CACNA1C: variants seen among roughly 807,000 people sequenced by gnomAD.
CACNA1C encodes the protein calcium voltage-gated channel subunit alpha1 C.
Under a neutral mutation model 229.0 loss-of-function variants are expected in CACNA1C, and 30 were observed. The observed-to-expected ratio is 0.13, with a 90% CI of 0.10 to 0.18. The LOEUF (loss-of-function observed/expected upper bound fraction) is 0.18, where lower values mean the gene tolerates loss of function less well. CACNA1C is among the 10% of genes least tolerant of loss of function. The pLI, the probability that CACNA1C is intolerant of heterozygous loss-of-function variation, is 1.00. For missense variants in CACNA1C, 1,658 were observed against 2,845.0 expected (o/e 0.58, Z 9.49); for synonymous variants, 1,114 against 1,132.5 (o/e 0.98, Z 0.33).
At chr12:2,552,515 TGA>T (rs1273845017) in intron 10 of CACNA1C, among the ~76,000 whole-genome samples, 1 of 152,070 alleles carries the variant, frequency 6.6e-6, no homozygotes. Flanking sequence ...CAGAAGAGTG[TGA>T]GAAGTCACTG....
intron 33 of CACNA1C, 22 bp from the exon 34 acceptor site, chr12:2,655,125 A>T: frequency 6.9e-7 from 1 of 1,439,528 alleles, no homozygotes; most frequent in Non-Finnish European, 9.8e-7. Flanking sequence ...ATCACTGAAC[A>T]CCTCTTCCTT....
At chr12:2,099,092 G>A (rs1237973727) in intron 1 of CACNA1C, among the ~76,000 whole-genome samples, 1 of 152,250 alleles carries the variant, frequency 6.6e-6, no homozygotes, top group East Asian at 1.9e-4. Flanking sequence ...CTGGACCGGG[G>A]CTTAGTCTCG....
chr12:2,609,303 G>A (rs569266610), intron 27 of CACNA1C, among the ~76,000 whole-genome samples: 1 of 152,192 alleles, frequency 6.6e-6, no homozygotes, highest in East Asian at 1.9e-4. Flanking sequence ...TAGTGCCTCA[G>A]GTCTGTTCCC....
intron 3 of CACNA1C, among the ~76,000 whole-genome samples, chr12:2,328,311 G>C (rs1016126128): frequency 6.6e-6 from 1 of 152,200 alleles, no homozygotes; most frequent in African/African-American, 2.4e-5. Context: ...TCTGCCCAGT[G>C]AGGCTTTGTG....
At chr12:2,661,304 CACACACACACAA>C (rs1465923365) in intron 34 of CACNA1C, among the ~76,000 whole-genome samples, 1 of 150,834 alleles carries the variant, frequency 6.6e-6, no homozygotes, top group Non-Finnish European at 1.5e-5. Context: ...CACACACACA[CACACACACACAA>C]GATTTTTCTA....
At chr12:2,501,385 G>A (rs1310912948) in intron 7 of CACNA1C, among the ~76,000 whole-genome samples, 1 of 152,186 alleles carries the variant, frequency 6.6e-6, no homozygotes, top group Non-Finnish European at 1.5e-5. Flanking sequence ...AGGTGCCTGG[G>A]ACTCCCATTC....
At chr12:2,559,758 G>A (rs1017268648) in intron 11 of CACNA1C, among the ~76,000 whole-genome samples, 17 of 152,268 alleles carry the variant, frequency 1.1e-4, no homozygotes, top group East Asian at 3.9e-4. Flanking sequence ...GGTTCTGCCC[G>A]GGAATAGTAA....
rs564990323 is a variant in CACNA1C at position 2,420,102 on chromosome 12, GGTGTGTGTGTGT to G, written c.478-28839_478-28828del. 5.7e-3 allele frequency among the ~76,000 whole-genome samples: 719 copies of G among 125,490 alleles called. 19 individuals carry two copies. The highest frequency in any genetic ancestry group is 0.048 in the Admixed American group (630 of 13,108). The allele number at this position is 125,490 out of a possible 152,430, so 82.3% of individuals were successfully genotyped here. ...CAGGGTAATCAGACTTAGGCAAAATGGTGTGTGTGTGTGTGTGTGTGTGTGTGTGTGTGTGTG... is the reference window on the plus strand; with the variant it reads ...CAGGGTAATCAGACTTAGGCAAAATGGTGTGTGTGTGTGTGTGTGTGTGTG... On this transcript the variant is annotated intron_variant, in intron 3 of 46. Transcript: ENST00000399655.
At chr12:2,419,965 A>G (rs1463053305) in intron 3 of CACNA1C, among the ~76,000 whole-genome samples, 1 of 152,068 alleles carries the variant, frequency 6.6e-6, no homozygotes, top group Non-Finnish European at 1.5e-5. Flanking sequence ...ACCAGTCTCC[A>G]ATTTGGCCCA....
At position 2,109,165 on chromosome 12, in the gene CACNA1C, AGGGT is replaced by A. The variant is rs1294331590; in HGVS notation, c.50-6057_50-6054del. On this transcript the variant is annotated intron_variant, in intron 1 of 46. Transcript: ENST00000399655. Reference sequence around the variant, plus strand: ...CTCACAGAAGGCACCAAGGCCAAGCAGGGTGACTGCTGCTGAAGCAGGCTGGCAG... The same window carrying A: ...CTCACAGAAGGCACCAAGGCCAAGCAGACTGCTGCTGAAGCAGGCTGGCAG... Among the ~76,000 whole-genome samples, 21 of 152,254 alleles carry A rather than the reference AGGGT, an allele frequency of 1.4e-4. 1 individual carries two copies. Among genetic ancestry groups the A allele is most frequent in the Admixed American group, 3.3e-4 (5 of 15,288 alleles).
chr12:2,292,933 C>CT (rs528110166), intron 3 of CACNA1C, among the ~76,000 whole-genome samples: 2,830 of 146,004 alleles, frequency 0.019, 34 homozygotes, highest in African/African-American at 0.031. Flanking sequence ...TGCGTCCTTT[C>CT]TTTTTTTTTT....
In CACNA1C at chr12:2,108,137, G is replaced by T. The variant is rs148521205; in HGVS notation, c.50-7087G>T. On this transcript the variant is annotated intron_variant, in intron 1 of 46. Coordinates refer to ENST00000399655, the MANE Select transcript of CACNA1C (RefSeq NM_000719.7). The surrounding 1 kb of genome is among the most constrained non-coding windows in gnomAD (Gnocchi z 5.3). ...TGTTGTATTGGACAGTGTTGCTATA[G>T]ACTGGTCTATATATCTCAGTCAGGG... 4.5e-3 allele frequency among the ~76,000 whole-genome samples: 686 copies of T among 152,312 alleles called. 4 individuals carry two copies. Among genetic ancestry groups the T allele is most frequent in the African/African-American group, 0.016 (663 of 41,558 alleles).
chr12:2,665,590 C>G lies in CACNA1C; in HGVS notation c.4408C>G (p.Leu1470Val), dbSNP rs1569139019. The change falls in exon 36 of 47, where the codon CTC becomes GTC. Residue 1470 changes from leucine to valine, a missense_variant. By Grantham distance (32) the Leu-to-Val change is conservative (BLOSUM62 1). This residue lies in a region of CACNA1C where 151 missense variants were observed against 344.4 expected (regional missense o/e 0.44). Transcript: ENST00000399655. This position sits in a 1 kb window ranked among gnomAD's most constrained non-coding sequence, Gnocchi z 5.9. ...YMLCAFLIIN[L>V]FVAVIMDNFD... ...GTACTGTTCCCCACAGATCATCAAC[C>G]TCTTTGTAGCTGTCATCATGGACAA... The G allele has an allele frequency of 6.2e-7, 1 of 1,613,622 alleles. No homozygotes were observed. Among genetic ancestry groups the G allele is most frequent in the Non-Finnish European group, 8.5e-7 (1 of 1,179,682 alleles).
intron 3 of CACNA1C, among the ~76,000 whole-genome samples, chr12:2,347,103 T>C (rs920374129): frequency 6.6e-6 from 1 of 152,194 alleles, no homozygotes; most frequent in Non-Finnish European, 1.5e-5. Flanking sequence ...TCCCCTATGT[T>C]CCTGGAGGGC....
intron 3 of CACNA1C, among the ~76,000 whole-genome samples, chr12:2,256,071 T>TGACTAGTTTACAATCACACTA (rs1566709880): frequency 1.3e-5 from 2 of 152,252 alleles, no homozygotes; most frequent in African/African-American, 2.4e-5. Flanking sequence ...GATCCTGACC[T>TGACTAGTTTACAATCACACTA]TACTAGTTTA....
Position 2,685,738 on chromosome 12 carries a change from T to C in CACNA1C, c.5576T>C (p.Leu1859Pro), listed in dbSNP as rs566778414. ...SEPSLLSTEM[L>P]SYQDDENRQL... The stretch of plus-strand genomic sequence containing the variant: ...GCCCCATGAGCTCTCTGTTCCAGGC[T>C]CTCCTACCAGGATGACGAAAATCGG... The change falls in exon 44 of 47, where the codon CTC (leucine) becomes CCC (proline). Residue 1859 changes from leucine (L) to proline (P), a missense_variant and splice_region_variant. Physicochemically the swap from Leu to Pro is moderately conservative, Grantham distance 98 (BLOSUM62 -3). Around this residue, in one of 20 missense-constraint regions of CACNA1C, gnomAD observed 590 missense variants for 700.8 expected, o/e 0.84. Transcript: ENST00000399655. The C allele has an allele frequency of 5.0e-6, 8 of 1,612,608 alleles. No homozygotes were observed. The African/African-American group carries it at 9.3e-5, about 19-fold the overall frequency.
At chr12:2,096,497 C>G (rs530818648) in intron 1 of CACNA1C, among the ~76,000 whole-genome samples, 11 of 152,348 alleles carry the variant, frequency 7.2e-5, no homozygotes, top group African/African-American at 2.4e-4. Flanking sequence ...ACCTCTTTCT[C>G]TTTCCTCTTG....
chr12:2,256,071 T>TGACTAGTTTACAATCACATGA (rs1566709880), intron 3 of CACNA1C, among the ~76,000 whole-genome samples: 2 of 152,252 alleles, frequency 1.3e-5, no homozygotes, highest in Non-Finnish European at 2.9e-5. Flanking sequence ...GATCCTGACC[T>TGACTAGTTTACAATCACATGA]TACTAGTTTA....
intron 3 of CACNA1C, among the ~76,000 whole-genome samples, chr12:2,441,211 C>A (rs1427579875): frequency 6.6e-6 from 1 of 152,198 alleles, no homozygotes; most frequent in African/African-American, 2.4e-5. Context: ...TGGGCACACA[C>A]AAGCTGTCTT....
Sources: allele counts gnomAD v4.1 joint callset (sites outside exome capture counted in the v4.1 genomes callset), GRCh38; gene constraint gnomAD v4.1.1; regional missense constraint gnomAD v4.1.1; non-coding constraint Gnocchi (gnomAD v3.1); transcripts MANE v1.5; gene names NCBI Gene and HGNC (gene_info 2026-07-23, HGNC 2026-07-21).